NRG3: variants seen among roughly 807,000 people sequenced by gnomAD.
NRG3 encodes the protein pro-neuregulin-3, membrane-bound isoform.
NRG3 carries 31 observed loss-of-function variants against 66.9 expected under a neutral mutation model. That is an observed-to-expected ratio of 0.46 (90% confidence interval 0.35 to 0.63). NRG3 has a LOEUF of 0.63. Among genes scored for constraint, NRG3 ranks in the 20% least tolerant of loss-of-function variants. NRG3 has a pLI of 0.00. For missense variants in NRG3, 910 were observed against 878.9 expected, an observed-to-expected ratio of 1.04 and a Z score of -0.45; for synonymous variants, 393 against 359.4, an observed-to-expected ratio of 1.09 and a Z score of -1.06.
chr10:82,863,885 C>T (rs545132322), intron 3 of NRG3, among the ~76,000 whole-genome samples: 1 of 152,266 alleles, frequency 6.6e-6, no homozygotes, highest in African/African-American at 2.4e-5. Context: ...GAACAAGAAT[C>T]CTTTCTTTAC....
chr10:82,232,873 G>T, intron 1 of NRG3: 2 of 716,832 alleles, frequency 2.8e-6, no homozygotes, highest in Non-Finnish European at 2.6e-6. Flanking sequence ...GGTAAGGCAG[G>T]ATAGGATGAA....
At chr10:82,199,068 C>T (rs1214535109) in intron 1 of NRG3, among the ~76,000 whole-genome samples, 1 of 145,918 alleles carries the variant, frequency 6.9e-6, no homozygotes, top group South Asian at 2.1e-4. Context: ...ACACAGGAGG[C>T]TGAGGCAGGA....
chr10:82,160,446 C>T (rs2071500561), intron 1 of NRG3, among the ~76,000 whole-genome samples: 1 of 151,844 alleles, frequency 6.6e-6, no homozygotes, highest in South Asian at 2.1e-4. Flanking sequence ...CAGATGAAAA[C>T]ATCGCTAAAC....
At position 82,843,058 on chromosome 10, in the gene NRG3, T is replaced by C. The variant is rs191051051; in HGVS notation, c.1028-22353T>C. 2.6e-4 allele frequency among the ~76,000 whole-genome samples: 39 copies of C among 152,340 alleles called. No individual in the cohort carries two copies. The East Asian group carries it at 7.1e-3, about 28-fold the overall frequency. ...CTCTCTCAAAATACTATAATATTTT[T>C]GGACCATAATTGACTATAGATAACT... On this transcript the variant is annotated intron_variant, in intron 3 of 8. Transcript: ENST00000372141.
intron 1 of NRG3, among the ~76,000 whole-genome samples, chr10:82,287,416 G>A (rs1488546625): frequency 6.6e-6 from 1 of 152,048 alleles, no homozygotes; most frequent in Non-Finnish European, 1.5e-5. Context: ...AGAACTGTGA[G>A]CCAATTAAAC....
At chr10:82,504,550 C>T (rs752633525) in intron 2 of NRG3, among the ~76,000 whole-genome samples, 4 of 152,124 alleles carry the variant, frequency 2.6e-5, no homozygotes, top group Non-Finnish European at 4.4e-5. Context: ...TTGTGGGAAG[C>T]CCAGTGCTTC....
At chr10:82,350,878 G>T (rs939975997) in intron 1 of NRG3, among the ~76,000 whole-genome samples, 1 of 148,140 alleles carries the variant, frequency 6.8e-6, no homozygotes, top group Non-Finnish European at 1.5e-5. Flanking sequence ...TGCTATTGAG[G>T]TGGTTGTGTT....
chr10:81,901,572 G>A (rs1844073622), intron 1 of NRG3, among the ~76,000 whole-genome samples: 2 of 152,114 alleles, frequency 1.3e-5, no homozygotes, highest in Admixed American at 6.5e-5. Context: ...AGGAGGCTGA[G>A]GCGGGAGGAT....
At chr10:82,289,903 C>A (rs1301472758) in intron 1 of NRG3, among the ~76,000 whole-genome samples, 1 of 152,228 alleles carries the variant, frequency 6.6e-6, no homozygotes, top group East Asian at 1.9e-4. Flanking sequence ...GGACAGCAAG[C>A]ATCAGGCAAT....
At chr10:82,519,808 G>A (rs980746746) in intron 2 of NRG3, among the ~76,000 whole-genome samples, 7 of 152,120 alleles carry the variant, frequency 4.6e-5, no homozygotes, top group Non-Finnish European at 8.8e-5. Context: ...CAGGTAAGAC[G>A]CAACCAAACT....
At chr10:82,331,256 G>A (rs572389214) in intron 1 of NRG3, among the ~76,000 whole-genome samples, 5 of 152,026 alleles carry the variant, frequency 3.3e-5, no homozygotes, top group Non-Finnish European at 5.9e-5. Context: ...TCTGGCACTC[G>A]TGCAAGTAGA....
At chr10:82,804,123 C>A (rs1362144326) in intron 3 of NRG3, among the ~76,000 whole-genome samples, 1 of 152,152 alleles carries the variant, frequency 6.6e-6, no homozygotes, top group African/African-American at 2.4e-5. Flanking sequence ...CCTTGTTTTA[C>A]TTAATGGCCC....
intron 1 of NRG3, among the ~76,000 whole-genome samples, chr10:81,907,452 A>T (rs968466440): frequency 3.9e-5 from 6 of 152,204 alleles, no homozygotes; most frequent in Admixed American, 6.5e-5. Context: ...GAAATTTCAG[A>T]GTAGCACACA....
chr10:82,363,508 TGCG>T (rs2084321084), intron 2 of NRG3, among the ~76,000 whole-genome samples: 1 of 152,204 alleles, frequency 6.6e-6, no homozygotes, highest in South Asian at 2.1e-4. Flanking sequence ...CAGGCTGGAG[TGCG>T]GTGGCGTGAT....
At chr10:82,621,989 AAG>A (rs1362506561) in intron 2 of NRG3, among the ~76,000 whole-genome samples, 1 of 152,150 alleles carries the variant, frequency 6.6e-6, no homozygotes. Context: ...TGCAAGGAAA[AAG>A]AGAATTTTCC....
intron 2 of NRG3, among the ~76,000 whole-genome samples, chr10:82,689,113 C>G (rs371116810): frequency 2.3e-4 from 35 of 152,154 alleles, no homozygotes; most frequent in African/African-American, 8.2e-4. Flanking sequence ...CGAGATGGCA[C>G]CTTATAAAAT....
At chr10:82,389,921 T>C (rs544926929) in intron 2 of NRG3, among the ~76,000 whole-genome samples, 10 of 152,314 alleles carry the variant, frequency 6.6e-5, no homozygotes, top group South Asian at 2.1e-4. Flanking sequence ...GTGACAGGCC[T>C]ATTAGAGCGG....
At chr10:82,436,436 G>T (rs2090144380) in intron 2 of NRG3, among the ~76,000 whole-genome samples, 1 of 152,046 alleles carries the variant, frequency 6.6e-6, no homozygotes, top group African/African-American at 2.4e-5. Context: ...GCCTTTGCAT[G>T]TAAGGTGGGT....
At position 82,443,905 on chromosome 10, in the gene NRG3, G is replaced by C. The variant is rs372106366; in HGVS notation, c.953+85037G>C. ...TATGAAGAAATGTAAGAGGTGAACT[G>C]GTCACCTATGGGGATAATAGGGAAC... is the stretch of plus-strand genomic sequence containing the variant. On this transcript the variant is annotated intron_variant, in intron 2 of 8. Transcript: ENST00000372141. Among the ~76,000 whole-genome samples, 35 of 152,202 alleles carry C rather than the reference G, an allele frequency of 2.3e-4. No homozygotes were observed. In the East Asian group the frequency reaches 2.9e-3, roughly 13 times the overall value.
Sources: allele counts gnomAD v4.1 joint callset (sites outside exome capture counted in the v4.1 genomes callset), GRCh38; gene constraint gnomAD v4.1.1; transcripts MANE v1.5; gene names NCBI Gene and HGNC (gene_info 2026-07-23, HGNC 2026-07-21).